ISY1: variants seen among roughly 807,000 people sequenced by gnomAD.
ISY1 encodes the protein pre-mRNA-splicing factor ISY1 homolog.
In ISY1, 12 loss-of-function variants were observed where a neutral mutation model predicts 54.4. That is an observed-to-expected ratio of 0.22 (90% CI 0.14 to 0.36). The LOEUF is 0.36. Among genes scored for constraint, ISY1 ranks in the 10% least tolerant of loss-of-function variants. The pLI is 1.00. For missense variants in ISY1, 282 were observed against 342.2 expected (o/e 0.82, Z 1.39); for synonymous variants, 96 against 117.9 (o/e 0.81, Z 1.20).
intron 3 of ISY1, among the ~76,000 whole-genome samples, chr3:129,157,523 A>G (rs1937177097): frequency 2.0e-5 from 3 of 152,208 alleles, no homozygotes; most frequent in African/African-American, 7.2e-5. Flanking sequence ...GTTTGAGACC[A>G]GTCTGGCCAA....
At chr3:129,135,057 T>G in intron 7 of ISY1, 103 bp from the exon 8 acceptor site, 1 of 1,416,630 alleles carries the variant, frequency 7.1e-7, no homozygotes, top group Non-Finnish European at 9.3e-7. Context: ...CGTATGTTCA[T>G]GAAAATACCA....
intron 7 of ISY1, 98 bp from the exon 8 acceptor site, chr3:129,135,052 G>A: frequency 7.0e-7 from 1 of 1,429,048 alleles, no homozygotes; most frequent in Non-Finnish European, 9.2e-7. Flanking sequence ...TGGCACGTAT[G>A]TTCATGAAAA....
chr3:129,157,819 G>C (rs1560024061), intron 3 of ISY1, among the ~76,000 whole-genome samples: 1 of 151,818 alleles, frequency 6.6e-6, no homozygotes, highest in South Asian at 2.1e-4. Flanking sequence ...GCTATGGGGA[G>C]GTATTGGAAT....
At chr3:129,147,556 A>G (rs1317265060) in intron 5 of ISY1, among the ~76,000 whole-genome samples, 4 of 152,172 alleles carry the variant, frequency 2.6e-5, no homozygotes, top group Non-Finnish European at 5.9e-5. Context: ...AGAGGATTCC[A>G]GAAGCCTCTC....
At position 129,130,161 on chromosome 3, in the gene ISY1, T is replaced by C. The variant is rs1027499067; in HGVS notation, c.778A>G (p.Lys260Glu). 2 of 1,611,938 alleles carry C rather than the reference T, an allele frequency of 1.2e-6. No homozygotes were observed. Among genetic ancestry groups the C allele is most frequent in the Admixed American group, 3.4e-5 (2 of 59,308 alleles). Residue 260 changes from lysine to glutamate, a missense_variant, in exon 11 of 11, where the codon AAA becomes GAA. Physicochemically the swap from Lys to Glu is moderately conservative, Grantham distance 56 (BLOSUM62 1). Coordinates refer to ENST00000393295, the MANE Select transcript of ISY1 (RefSeq NM_020701.4). ...EIEEALVRRK[K>E]MELLQKYASE... ...GCATACTTCTGGAGGAGTTCCATTT[T>C]CTTCCTTCGCACCAGTGCCTCCTCA...
At chr3:129,145,923 C>A (rs775434608) in intron 5 of ISY1, 50 bp from the exon 6 acceptor site, 2 of 1,557,770 alleles carry the variant, frequency 1.3e-6, no homozygotes, top group African/African-American at 2.7e-5. Context: ...TGAATGTCAA[C>A]ACCTCTAACA....
chr3:129,155,774 T>A (rs1937115878), intron 5 of ISY1, among the ~76,000 whole-genome samples: 1 of 151,732 alleles, frequency 6.6e-6, no homozygotes, highest in Non-Finnish European at 1.5e-5. Context: ...GAAGCTGGAA[T>A]GCAATAGTGT....
intron 7 of ISY1, among the ~76,000 whole-genome samples, chr3:129,135,609 C>G (rs1236683712): frequency 6.6e-6 from 1 of 151,662 alleles, no homozygotes; most frequent in Non-Finnish European, 1.5e-5. Context: ...ACTAAAAATA[C>G]AAAAATTAGC....
At chr3:129,130,303 A>G (rs928057200) in intron 10 of ISY1, 115 bp from the exon 11 acceptor site, 3 of 1,391,606 alleles carry the variant, frequency 2.2e-6, no homozygotes, top group Non-Finnish European at 2.9e-6. Flanking sequence ...TGATTTAAAT[A>G]CGCAGAATAG....
At chr3:129,149,613 ATATATATAT>A (rs1560020430) in intron 5 of ISY1, among the ~76,000 whole-genome samples, 902 of 56,828 alleles carry the variant, frequency 0.016, 46 homozygotes, top group African/African-American at 0.059. Flanking sequence ...AAAAAAAAAT[ATATATATAT>A]ATATATATAT....
rs1937212301 is a variant in ISY1, at chr3:129,158,539, C to T, written c.47G>A (p.Arg16His). ...TTTTCCCTCTTCCAGCTGAGCCTGG[C>T]GAAATCTTGCTAAGGCCGTCCTACC... ...EKAMTALARFRQAQLEEGKVK... is the reference protein window; with the variant it reads ...EKAMTALARFHQAQLEEGKVK... The change falls in exon 3 of 11, where the codon CGC becomes CAC. Residue 16 changes from arginine to histidine, a missense_variant. Around this residue, in one of 2 missense-constraint regions of ISY1, gnomAD observed 279 missense variants for 323.6 expected, o/e 0.86. Transcript: ENST00000393295. 6.2e-7 allele frequency: 1 copy of T among 1,613,924 alleles called. No individual in the cohort carries two copies. The highest frequency in any genetic ancestry group is 8.5e-7 in the Non-Finnish European group (1 of 1,179,992).
In ISY1 at chr3:129,129,984, G is replaced by T; in HGVS notation, c.*97C>A. ...GAGAGGGAAGGAAGGCTGAGAATGG[G>T]GCAGGAGCCCTTGCAGCACCAGCCT... On this transcript the variant is annotated 3_prime_UTR_variant, in exon 11 of 11. Coordinates refer to ENST00000393295, the MANE Select transcript of ISY1 (RefSeq NM_020701.4). The T allele has an allele frequency of 1.1e-6, 1 of 920,938 alleles. No individual in the cohort carries two copies. The highest frequency in any genetic ancestry group is 1.8e-5 in the South Asian group (1 of 56,572). The allele number at this position is 920,938 out of a possible 1,614,324, so 57.0% of individuals were successfully genotyped here.
At chr3:129,159,937 C>T (rs529911152) in intron 1 of ISY1, among the ~76,000 whole-genome samples, 29 of 152,338 alleles carry the variant, frequency 1.9e-4, no homozygotes, top group African/African-American at 6.3e-4. Context: ...TCCCCTTCAA[C>T]TGACACAGAA....
intron 8 of ISY1, 79 bp from the exon 9 acceptor site, chr3:129,134,274 A>G: frequency 6.3e-7 from 1 of 1,595,394 alleles, no homozygotes; most frequent in Non-Finnish European, 8.5e-7. Flanking sequence ...GGCCAACACT[A>G]TGCAGGGAAA....
intron 7 of ISY1, among the ~76,000 whole-genome samples, chr3:129,139,274 A>G (rs1009564738): frequency 2.0e-5 from 3 of 152,182 alleles, no homozygotes; most frequent in African/African-American, 7.2e-5. Context: ...CTTCATAATT[A>G]ATGGCACAAT....
At chr3:129,159,022 G>A in intron 2 of ISY1, 132 bp downstream of exon 2, 2 of 1,194,158 alleles carry the variant, frequency 1.7e-6, no homozygotes, top group Non-Finnish European at 2.4e-6. Flanking sequence ...GCATATGTAA[G>A]AACATAACAT....
chr3:129,140,786 G>T (rs937729120), intron 6 of ISY1, among the ~76,000 whole-genome samples: 1 of 151,930 alleles, frequency 6.6e-6, no homozygotes, highest in Non-Finnish European at 1.5e-5. Context: ...GGTCAGGATG[G>T]TCTTGAACTC....
chr3:129,151,172 AATAT>A (rs1367506230), intron 5 of ISY1, among the ~76,000 whole-genome samples: 2 of 147,552 alleles, frequency 1.4e-5, no homozygotes, highest in Admixed American at 6.8e-5. Flanking sequence ...AATATATAAA[AATAT>A]ATATAAATAT....
chr3:129,150,370 G>A (rs912737834), intron 5 of ISY1, among the ~76,000 whole-genome samples: 6 of 152,046 alleles, frequency 3.9e-5, no homozygotes, highest in African/African-American at 1.4e-4. Context: ...TTTAGTCATC[G>A]CATCCTAGTT....
Sources: gnomAD v4.1 joint callset for allele counts (sites outside exome capture counted in the v4.1 genomes callset) on GRCh38, gnomAD v4.1.1 for gene constraint, gnomAD v4.1.1 regional missense constraint, MANE v1.5 for transcripts, NCBI Gene and HGNC (gene_info 2026-07-23, HGNC 2026-07-21) for gene names.